Variants in SLC6A6 observed in about 807,000 individuals in gnomAD.
SLC6A6 encodes solute carrier family 6 member 6.
In SLC6A6, 16 loss-of-function variants were observed where a neutral mutation model predicts 68.8. That is an observed-to-expected ratio of 0.23 (90% CI 0.16 to 0.35). SLC6A6 has a LOEUF of 0.35. Among genes scored for constraint, SLC6A6 ranks in the 10% least tolerant of loss-of-function variants. The probability of loss-of-function intolerance (pLI) is 1.00; values close to 1 mark genes in which losing one functional copy is unlikely to be tolerated. For missense variants in SLC6A6, 474 were observed against 802.8 expected (o/e 0.59, Z 4.95); for synonymous variants, 312 against 315.4 (o/e 0.99, Z 0.12).
At chr3:14,478,738 TGGTGCTAAAG>T (rs1162990335) in intron 12 of SLC6A6, 170 bp downstream of exon 12, 4 of 622,528 alleles carry the variant, frequency 6.4e-6, no homozygotes, top group Non-Finnish European at 8.6e-6. Flanking sequence ...AAGATCCTCC[TGGTGCTAAAG>T]GTGTGAGGTG....
chr3:14,449,924 G>GA (rs757333840), intron 5 of SLC6A6, among the ~76,000 whole-genome samples: 122 of 152,122 alleles, frequency 8.0e-4, no homozygotes, highest in African/African-American at 2.8e-3. Context: ...GCTAATTTTT[G>GA]TATTTTTGGT....
At chr3:14,451,673 G>A (rs1181575780) in intron 5 of SLC6A6, among the ~76,000 whole-genome samples, 2 of 152,230 alleles carry the variant, frequency 1.3e-5, no homozygotes, top group East Asian at 3.8e-4. Flanking sequence ...GAGGCTGGAT[G>A]TATGCTGAGC....
intron 1 of SLC6A6, among the ~76,000 whole-genome samples, chr3:14,403,077 AGTGTGTGTGTGTGTGTGTGT>A (rs34547966): frequency 0.034 from 4,820 of 143,424 alleles, 217 homozygotes; most frequent in African/African-American, 0.097. Context: ...GCGGCAGGAG[AGTGTGTGTGTGTGTGTGTGT>A]GTGTGTGTGT....
At chr3:14,434,551 C>T (rs1699807963) in intron 2 of SLC6A6, among the ~76,000 whole-genome samples, 1 of 152,232 alleles carries the variant, frequency 6.6e-6, no homozygotes, top group South Asian at 2.1e-4. Context: ...GCCACTCAAA[C>T]CTTTGTTCTA....
At chr3:14,407,878 T>C (rs1699145688) in intron 1 of SLC6A6, among the ~76,000 whole-genome samples, 1 of 152,228 alleles carries the variant, frequency 6.6e-6, no homozygotes, top group African/African-American at 2.4e-5. Context: ...TTATTTAGTG[T>C]ATACTCTTTT....
intron 5 of SLC6A6, among the ~76,000 whole-genome samples, chr3:14,452,176 A>T (rs1257041886): frequency 3.3e-5 from 5 of 152,162 alleles, no homozygotes; most frequent in African/African-American, 1.2e-4. Context: ...CAGAGCAGCA[A>T]TGGGTGACAT....
At position 14,486,432 on chromosome 3, in the gene SLC6A6, G is replaced by A. The variant is rs1701167129; in HGVS notation, c.*1425G>A. The A allele has an allele frequency of 6.6e-6, 1 of 152,568 alleles. No individual in the cohort carries two copies. The highest frequency in any genetic ancestry group is 1.5e-5 in the Non-Finnish European group (1 of 68,038). 9.5% of individuals were successfully genotyped at this position (152,568 alleles called of 1,614,324 possible). A position where few individuals can be genotyped will look rare whatever the true frequency, so the allele number is the denominator to read the frequency against. ...GGGTTTACAGACATTTACCACCTGCGGACCCAAAAGAGAAGGCCTAGGAGA... is the reference window on the plus strand; with the variant it reads ...GGGTTTACAGACATTTACCACCTGCAGACCCAAAAGAGAAGGCCTAGGAGA... On this transcript the variant is annotated 3_prime_UTR_variant, in exon 15 of 15. Transcript: ENST00000622186.
chr3:14,478,844 G>C (rs1307432123), intron 12 of SLC6A6: 2 of 592,602 alleles, frequency 3.4e-6, no homozygotes, highest in African/African-American at 1.9e-5. Context: ...TTGGGTTTGA[G>C]TTTGGGCTGT....
In SLC6A6 at chr3:14,455,082, G is replaced by C. The variant is rs971754333; in HGVS notation, c.600-2868G>C. ...ACTCTACAGACAGCACTGCTTGAGG[G>C]GGGTACTATGTCTCTGGCCACCCAT... is the stretch of plus-strand genomic sequence containing the variant. On this transcript the variant is annotated intron_variant, in intron 5 of 14. Transcript: ENST00000622186. 2.6e-5 allele frequency among the ~76,000 whole-genome samples: 4 copies of C among 152,136 alleles called. No homozygotes were observed. In the East Asian group the frequency reaches 5.8e-4, roughly 22 times the overall value.
At chr3:14,433,338 C>T (rs1477663341) in intron 2 of SLC6A6, among the ~76,000 whole-genome samples, 7 of 152,112 alleles carry the variant, frequency 4.6e-5, no homozygotes, top group Non-Finnish European at 8.8e-5. Flanking sequence ...CCCATGGAGC[C>T]GGCAGGGTTT....
chr3:14,454,926 C>G (rs1461615599), intron 5 of SLC6A6, among the ~76,000 whole-genome samples: 1 of 152,178 alleles, frequency 6.6e-6, no homozygotes, highest in East Asian at 1.9e-4. Flanking sequence ...TGCATTTTGT[C>G]TCCAGGACCG....
At chr3:14,428,021 A>G (rs1025488014) in intron 2 of SLC6A6, among the ~76,000 whole-genome samples, 1 of 152,116 alleles carries the variant, frequency 6.6e-6, no homozygotes, top group East Asian at 1.9e-4. Context: ...CTGTATCCTA[A>G]GGGCTAGGGG....
rs147063505 is a variant in SLC6A6, at chr3:14,462,761, C to T, written c.733-3755C>T. 2.6e-5 allele frequency among the ~76,000 whole-genome samples: 4 copies of T among 152,230 alleles called. No individual in the cohort carries two copies. In the East Asian group the frequency reaches 7.7e-4, roughly 29 times the overall value. ...AACAGGTAATTCAGGTAATTATGCACGATGTCTCTCAGCAAATCTGCATTT... is the reference window on the plus strand; with the variant it reads ...AACAGGTAATTCAGGTAATTATGCATGATGTCTCTCAGCAAATCTGCATTT... On this transcript the variant is annotated intron_variant, in intron 6 of 14. Transcript: ENST00000622186.
In SLC6A6 at chr3:14,451,110, G is replaced by A. The variant is rs530520161; in HGVS notation, c.599+3294G>A. ...CTCCGTGCCTTATCCTTGCACCTCC[G>A]TAACCAATTCTGAATCCAACCTGTT... On this transcript the variant is annotated intron_variant, in intron 5 of 14. Coordinates refer to ENST00000622186, the MANE Select transcript of SLC6A6 (RefSeq NM_003043.6). 1.6e-3 allele frequency among the ~76,000 whole-genome samples: 249 copies of A among 152,274 alleles called. 1 individual carries two copies. Among genetic ancestry groups the A allele is most frequent in the African/African-American group, 5.6e-3 (231 of 41,558 alleles).
In SLC6A6 at chr3:14,468,406, G is replaced by C. The variant is rs1171757730; in HGVS notation, c.1096+194G>C. ...AAGCCAAATTTTAAACATTTGTATT[G>C]CAATTTGGCCCTGATGGGTGGCAAA... On this transcript the variant is annotated intron_variant, in intron 9 of 14. Coordinates refer to ENST00000622186, the MANE Select transcript of SLC6A6 (RefSeq NM_003043.6). This position sits in a 1 kb window ranked among gnomAD's most constrained non-coding sequence, Gnocchi z 4.5. Among the ~76,000 whole-genome samples the C allele has an allele frequency of 2.7e-4, 1 of 3,762 alleles. No individual in the cohort carries two copies. The highest frequency in any genetic ancestry group is 5.5e-4 in the Non-Finnish European group (1 of 1,802). 2.5% of individuals were successfully genotyped at this position (3,762 alleles called of 152,430 possible). A position where few individuals can be genotyped will look rare whatever the true frequency, so the allele number is the denominator to read the frequency against.
intron 2 of SLC6A6, among the ~76,000 whole-genome samples, chr3:14,417,649 G>A (rs1356424375): frequency 2.6e-5 from 4 of 151,584 alleles, no homozygotes; most frequent in South Asian, 2.1e-4. Flanking sequence ...GGAGAATGGC[G>A]TGAACCCGGG....
rs1439219179 is a variant in SLC6A6 at position 14,472,840 on chromosome 3, T to A, written c.1209+523T>A. ...GAGAAGCCTACGCCACACTCAGGATTCTGTGCTCCCTGGAGCGTGCGAGGG... is the reference window on the plus strand; with the variant it reads ...GAGAAGCCTACGCCACACTCAGGATACTGTGCTCCCTGGAGCGTGCGAGGG... On this transcript the variant is annotated intron_variant, in intron 10 of 14. Transcript: ENST00000622186. This position sits in a 1 kb window ranked among gnomAD's most constrained non-coding sequence, Gnocchi z 4.5. Among the ~76,000 whole-genome samples the A allele has an allele frequency of 6.6e-6, 1 of 152,214 alleles. No individual in the cohort carries two copies. The highest frequency in any genetic ancestry group is 6.5e-5 in the Admixed American group (1 of 15,288).
At chr3:14,424,745 C>T (rs188187553) in intron 2 of SLC6A6, among the ~76,000 whole-genome samples, 18 of 152,314 alleles carry the variant, frequency 1.2e-4, no homozygotes, top group African/African-American at 3.8e-4. Flanking sequence ...AACCAAACAC[C>T]GCTGCAGGAG....
Position 14,468,810 on chromosome 3 carries a change from C to T in SLC6A6, c.1096+598C>T, listed in dbSNP as rs1700686940. Among the ~76,000 whole-genome samples, 1 of 152,128 alleles carries T rather than the reference C, an allele frequency of 6.6e-6. No homozygotes were observed. Among genetic ancestry groups the T allele is most frequent in the Admixed American group, 6.6e-5 (1 of 15,266 alleles). ...GGGGTGGGTTGTAAGCACAGTGTCG[C>T]CCCTCGGGGTGTGGGCCCTGTTGAC... On this transcript the variant is annotated intron_variant, in intron 9 of 14. Transcript: ENST00000622186. The surrounding 1 kb of genome is among the most constrained non-coding windows in gnomAD (Gnocchi z 4.5).
Sources: allele counts gnomAD v4.1 joint callset (sites outside exome capture counted in the v4.1 genomes callset), GRCh38; gene constraint gnomAD v4.1.1; non-coding constraint Gnocchi (gnomAD v3.1); transcripts MANE v1.5; gene names NCBI Gene and HGNC (gene_info 2026-07-23, HGNC 2026-07-21).